Variants in NRXN1 observed in about 807,000 individuals in gnomAD.
The protein encoded by NRXN1 is neurexin-1.
Under a neutral mutation model 150.9 loss-of-function variants are expected in NRXN1, and 39 were observed. That is an observed-to-expected ratio of 0.26 (90% CI 0.20 to 0.34). The LOEUF is 0.34. Ranked by LOEUF, NRXN1 falls within the 10% of genes least tolerant of loss-of-function variation. NRXN1 has a pLI of 1.00. For synonymous variants in NRXN1, 924 were observed against 757.0 expected (o/e 1.22, Z -3.62); for missense variants, 1,815 against 1,949.9 (o/e 0.93, Z 1.30).
chr2:50,474,682 G>GAAAAAAA (rs1558794690), intron 15 of NRXN1, among the ~76,000 whole-genome samples: 3 of 4,164 alleles, frequency 7.2e-4, no homozygotes, highest in African/African-American at 1.0e-3. Context: ...CACAGAAATA[G>GAAAAAAA]CAAAAAAAAA....
chr2:50,463,541 T>G (rs1224043436), intron 17 of NRXN1, among the ~76,000 whole-genome samples: 1 of 151,774 alleles, frequency 6.6e-6, no homozygotes, highest in Non-Finnish European at 1.5e-5. Flanking sequence ...ATTTACCTAT[T>G]TACAAGAAAA....
In NRXN1 at chr2:50,492,928, G is replaced by C. The variant is rs999306084; in HGVS notation, c.3070+2977C>G. ...GTCAATGCACTTTAAAAAGAAAGAT[G>C]CCTGTTTTCTGTGCATCTCTCTCAA... is the stretch of plus-strand genomic sequence containing the variant. On this transcript the variant is annotated intron_variant, in intron 15 of 22. Transcript: ENST00000401669. Among the ~76,000 whole-genome samples, 4 of 26,786 alleles carry C rather than the reference G, an allele frequency of 1.5e-4. No homozygotes were observed. The East Asian group carries it at 1.6e-3, about 11-fold the overall frequency. The allele number at this position is 26,786 out of a possible 152,430, so 17.6% of individuals were successfully genotyped here.
chr2:50,384,466 A>G (rs372844150), intron 17 of NRXN1, among the ~76,000 whole-genome samples: 1 of 144,104 alleles, frequency 6.9e-6, no homozygotes, highest in East Asian at 2.1e-4. Flanking sequence ...GGATCATGCC[A>G]CTGCACTTCA....
chr2:49,998,086 G>A (rs1449269750), intron 21 of NRXN1, among the ~76,000 whole-genome samples: 1 of 152,090 alleles, frequency 6.6e-6, no homozygotes, highest in African/African-American at 2.4e-5. Flanking sequence ...AGAAATTTCA[G>A]GGACAATAAG....
intron 19 of NRXN1, among the ~76,000 whole-genome samples, chr2:50,060,502 G>A (rs974070159): frequency 6.6e-6 from 1 of 152,076 alleles, no homozygotes; most frequent in Admixed American, 6.6e-5. Flanking sequence ...TTAAGACTTT[G>A]GGGAACTGCT....
At chr2:50,066,133 G>A (rs1170130703) in intron 19 of NRXN1, among the ~76,000 whole-genome samples, 1 of 151,986 alleles carries the variant, frequency 6.6e-6, no homozygotes, top group Non-Finnish European at 1.5e-5. Context: ...ATTAAACCCT[G>A]GTTTCTTTAG....
intron 5 of NRXN1, among the ~76,000 whole-genome samples, chr2:50,628,054 G>A (rs1159758370): frequency 6.6e-6 from 1 of 151,838 alleles, no homozygotes; most frequent in Non-Finnish European, 1.5e-5. Context: ...AAATTATAAA[G>A]TTTTGGAGCT....
At chr2:50,047,021 T>C (rs1050482002) in intron 21 of NRXN1, among the ~76,000 whole-genome samples, 2 of 152,186 alleles carry the variant, frequency 1.3e-5, no homozygotes, top group African/African-American at 4.8e-5. Flanking sequence ...TCACATAGAA[T>C]GTATATGGAT....
chr2:50,769,043 AC>A (rs2105436234), intron 5 of NRXN1, among the ~76,000 whole-genome samples: 1 of 152,194 alleles, frequency 6.6e-6, no homozygotes, highest in East Asian at 1.9e-4. Context: ...AAGTGTTAAC[AC>A]CTCATTTTTA....
intron 9 of NRXN1, among the ~76,000 whole-genome samples, chr2:50,547,223 C>T (rs1336407632): frequency 6.6e-6 from 1 of 152,016 alleles, no homozygotes; most frequent in East Asian, 1.9e-4. Flanking sequence ...ATCAGCTGTA[C>T]CCTGCTGTAT....
At chr2:50,670,721 C>T (rs1688722377) in intron 5 of NRXN1, among the ~76,000 whole-genome samples, 1 of 151,928 alleles carries the variant, frequency 6.6e-6, no homozygotes, top group Non-Finnish European at 1.5e-5. Context: ...TAAGGAAACA[C>T]TGACTCTTTT....
rs552726921 is a variant in NRXN1, at chr2:50,064,553, G to C, written c.3719-9509C>G. On this transcript the variant is annotated intron_variant, in intron 19 of 22. Transcript: ENST00000401669. Reference sequence around the variant, plus strand: ...GTGTACAAGAAACAGTCTTGGACTTGATGAACCTTCAAAATATGTATCATC... The same window carrying C: ...GTGTACAAGAAACAGTCTTGGACTTCATGAACCTTCAAAATATGTATCATC... 3.9e-5 allele frequency among the ~76,000 whole-genome samples: 6 copies of C among 152,022 alleles called. 1 individual carries two copies. The highest frequency in any genetic ancestry group is 7.2e-5 in the African/African-American group (3 of 41,504).
chr2:50,284,505 G>T (rs1456356371), intron 17 of NRXN1, among the ~76,000 whole-genome samples: 1 of 152,090 alleles, frequency 6.6e-6, no homozygotes, highest in African/African-American at 2.4e-5. Context: ...AATAATGGCT[G>T]CCTCCCACAA....
chr2:50,313,602 C>T (rs939425), intron 17 of NRXN1, among the ~76,000 whole-genome samples: 83,627 of 151,918 alleles, frequency 0.55, 26,000 homozygotes, highest in African/African-American at 0.85. Context: ...TAACAGGAAC[C>T]GAAGACTTAA....
chr2:50,646,470 G>C (rs557347407), intron 5 of NRXN1, among the ~76,000 whole-genome samples: 1 of 152,116 alleles, frequency 6.6e-6, no homozygotes, highest in Non-Finnish European at 1.5e-5. Context: ...AAATTCTTTA[G>C]ATAGCTTTCC....
At chr2:50,407,960 C>A (rs2082873954) in intron 17 of NRXN1, among the ~76,000 whole-genome samples, 2 of 152,144 alleles carry the variant, frequency 1.3e-5, no homozygotes, top group African/African-American at 4.8e-5. Flanking sequence ...ATTTTAACAT[C>A]TGTTGTATGT....
intron 12 of NRXN1, among the ~76,000 whole-genome samples, chr2:50,514,762 C>T (rs1020275100): frequency 4.6e-5 from 7 of 152,040 alleles, no homozygotes; most frequent in African/African-American, 7.2e-5. Flanking sequence ...AAGATAAACA[C>T]GTATAGATAA....
chr2:49,958,483 T>C (rs1248935461), intron 21 of NRXN1, among the ~76,000 whole-genome samples: 3 of 152,186 alleles, frequency 2.0e-5, no homozygotes, highest in African/African-American at 4.8e-5. Flanking sequence ...CTCTGCCATC[T>C]GGGTTTGTCC....
chr2:50,594,736 T>C (rs1472137952), intron 8 of NRXN1, among the ~76,000 whole-genome samples: 1 of 152,118 alleles, frequency 6.6e-6, no homozygotes, highest in Non-Finnish European at 1.5e-5. Flanking sequence ...CTAACAGCAT[T>C]TTGAATCCTA....
Sources: gnomAD v4.1 joint callset for allele counts (sites outside exome capture counted in the v4.1 genomes callset) on GRCh38, gnomAD v4.1.1 for gene constraint, MANE v1.5 for transcripts, NCBI Gene and HGNC (gene_info 2026-07-23, HGNC 2026-07-21) for gene names.